The following CDK7 variants were observed in gnomAD, a reference collection of about 807,000 sequenced individuals.
The protein encoded by CDK7 is cyclin dependent kinase 7, also known as cyclin-dependent kinase 7.
Under a neutral mutation model 49.1 loss-of-function variants are expected in CDK7, and 25 were observed. The observed-to-expected ratio is 0.51, with a 90% CI of 0.37 to 0.71. CDK7 has a LOEUF of 0.71. Among genes scored for constraint, CDK7 ranks in the 30% least tolerant of loss-of-function variants. The pLI is 0.00. For synonymous variants in CDK7, 107 were observed against 140.0 expected, an observed-to-expected ratio of 0.76 and a Z score of 1.67; for missense variants, 316 against 411.7, an observed-to-expected ratio of 0.77 and a Z score of 2.01.
chr5:69,255,380 A>G, intron 4 of CDK7, 80 bp from the exon 5 acceptor site: 1 of 756,370 alleles, frequency 1.3e-6, no homozygotes, highest in Non-Finnish European at 2.2e-6. Context: ...TGCTTTTTAA[A>G]TTTTTAAAAA....
At chr5:69,244,724 T>C (rs747821514) in intron 2 of CDK7, among the ~76,000 whole-genome samples, 3 of 151,986 alleles carry the variant, frequency 2.0e-5, no homozygotes, top group Non-Finnish European at 4.4e-5. Flanking sequence ...CTTCCAGTAC[T>C]ATATTGAATA....
rs142439020 is a variant in CDK7 at position 69,251,337 on chromosome 5, A to T, written c.127-1081A>T. The stretch of plus-strand genomic sequence containing the variant: ...CTGGTCTTGAACTCCTGACCTCGTG[A>T]TCCACCTGCCTCGGCCTCCCAAAGT... On this transcript the variant is annotated intron_variant, in intron 2 of 11. Coordinates refer to ENST00000256443, the MANE Select transcript of CDK7 (RefSeq NM_001799.4). Among the ~76,000 whole-genome samples, 145 of 151,690 alleles carry T rather than the reference A, an allele frequency of 9.6e-4. 2 individuals are homozygous for T. The East Asian group carries it at 0.023, about 24-fold the overall frequency.
intron 3 of CDK7, among the ~76,000 whole-genome samples, chr5:69,253,038 T>C (rs1750252317): frequency 1.3e-5 from 2 of 152,182 alleles, no homozygotes; most frequent in South Asian, 4.1e-4. Context: ...CATTACTGTT[T>C]TAGGTGTTAC....
chr5:69,251,674 G>T (rs1750155600), intron 2 of CDK7, among the ~76,000 whole-genome samples: 1 of 151,966 alleles, frequency 6.6e-6, no homozygotes, highest in Non-Finnish European at 1.5e-5. Flanking sequence ...GGGACTGTAG[G>T]CACGTGCCAC....
At chr5:69,241,465 T>G (rs1749381898) in intron 2 of CDK7, among the ~76,000 whole-genome samples, 1 of 151,692 alleles carries the variant, frequency 6.6e-6, no homozygotes, top group Non-Finnish European at 1.5e-5. Context: ...GGATTACAGG[T>G]GCACACTGCA....
intron 2 of CDK7, among the ~76,000 whole-genome samples, chr5:69,245,550 A>T (rs2150191204): frequency 6.6e-6 from 1 of 151,964 alleles, no homozygotes; most frequent in East Asian, 1.9e-4. Flanking sequence ...TATATTGCCC[A>T]GGCTGGTCTC....
chr5:69,243,826 GTTTTTTTTTTTT>G (rs747576681), intron 2 of CDK7, among the ~76,000 whole-genome samples: 1 of 66,396 alleles, frequency 1.5e-5, no homozygotes, highest in South Asian at 7.4e-4. Flanking sequence ...AATGATAGTT[GTTTTTTTTTTTT>G]TTTTTTTTTT....
intron 11 of CDK7, among the ~76,000 whole-genome samples, 182 bp from the exon 12 acceptor site, chr5:69,276,925 C>T (rs1752212039): frequency 6.6e-6 from 1 of 152,126 alleles, no homozygotes; most frequent in Admixed American, 6.6e-5. Context: ...GTATGTGTAC[C>T]TTGTTCCCTT....
At chr5:69,275,621 T>C (rs1277856601) in intron 10 of CDK7, among the ~76,000 whole-genome samples, 1 of 152,196 alleles carries the variant, frequency 6.6e-6, no homozygotes, top group Non-Finnish European at 1.5e-5. Flanking sequence ...ATAAGGACAT[T>C]AACAAAACTT....
chr5:69,275,535 A>T (rs903247542), intron 10 of CDK7, among the ~76,000 whole-genome samples: 28 of 152,212 alleles, frequency 1.8e-4, no homozygotes, highest in African/African-American at 5.8e-4. Context: ...TAATCCAAAT[A>T]TCCGAAATCT....
rs1309570245 is a variant in CDK7, at chr5:69,259,887, A to G, written c.478A>G (p.Lys160Glu). The G allele has an allele frequency of 6.2e-7, 1 of 1,614,136 alleles. No individual in the cohort carries two copies. The highest frequency in any genetic ancestry group is 8.5e-7 in the Non-Finnish European group (1 of 1,179,970). Reference protein sequence around the residue: ...VLKLADFGLAKSFGSPNRAYT... With the variant: ...VLKLADFGLAESFGSPNRAYT... ...AAAACTGGCAGATTTTGGCCTGGCC[A>G]AATCTTTTGGGAGCCCCAATAGAGC... Residue 160 changes from lysine (K) to glutamate (E), a missense_variant, in exon 7 of 12, where the codon AAA becomes GAA. Physicochemically the swap from Lys to Glu is moderately conservative, Grantham distance 56 (BLOSUM62 1). Transcript: ENST00000256443.
intron 7 of CDK7, among the ~76,000 whole-genome samples, chr5:69,261,781 G>A (rs1305307871): frequency 1.3e-5 from 2 of 151,906 alleles, no homozygotes; most frequent in Non-Finnish European, 2.9e-5. Context: ...CGCCCGCCTC[G>A]GCCTCCCAAA....
intron 2 of CDK7, among the ~76,000 whole-genome samples, chr5:69,251,201 G>A (rs747046296): frequency 9.9e-5 from 15 of 151,800 alleles, no homozygotes; most frequent in Admixed American, 9.9e-4. Flanking sequence ...GGGTTCAAGC[G>A]ATTCTTCTGC....
chr5:69,254,374 T>G (rs947773737), intron 3 of CDK7, among the ~76,000 whole-genome samples: 3 of 151,784 alleles, frequency 2.0e-5, no homozygotes, highest in African/African-American at 7.3e-5. Flanking sequence ...ATACAAAAAT[T>G]AGCCGGGCGT....
rs887191551 is a variant in CDK7 at position 69,254,067 on chromosome 5, T to G, written c.161-535T>G. Among the ~76,000 whole-genome samples the G allele has an allele frequency of 2.0e-5, 3 of 152,062 alleles. No individual in the cohort carries two copies. In the East Asian group the frequency reaches 5.8e-4, roughly 29 times the overall value. ...GTGAGCCGAGATCATGCCACTGCAC[T>G]CCAACCTGGCTGACAGGGTGAAACC... On this transcript the variant is annotated intron_variant, in intron 3 of 11. Transcript: ENST00000256443.
At chr5:69,240,211 G>A (rs1314432897) in intron 2 of CDK7, among the ~76,000 whole-genome samples, 1 of 152,020 alleles carries the variant, frequency 6.6e-6, no homozygotes. Context: ...AAATATTACA[G>A]TGACTTTAAG....
At chr5:69,253,560 T>G (rs2150203442) in intron 3 of CDK7, among the ~76,000 whole-genome samples, 1 of 152,196 alleles carries the variant, frequency 6.6e-6, no homozygotes, top group Non-Finnish European at 1.5e-5. Context: ...GCGCCCGGCC[T>G]GTATCTAATT....
intron 9 of CDK7, among the ~76,000 whole-genome samples, chr5:69,272,113 A>G (rs1390849306): frequency 6.6e-6 from 1 of 152,042 alleles, no homozygotes; most frequent in East Asian, 1.9e-4. Context: ...TTGCACATGT[A>G]TGTCGAAGTG....
At chr5:69,235,126 A>C in intron 1 of CDK7, 85 bp downstream of exon 1, 1 of 1,332,336 alleles carries the variant, frequency 7.5e-7, no homozygotes, top group East Asian at 2.5e-5. Flanking sequence ...CGTGGAGGCC[A>C]GAGGTCTGGC....
Sources: gnomAD v4.1 joint callset for allele counts (sites outside exome capture counted in the v4.1 genomes callset) on GRCh38, gnomAD v4.1.1 for gene constraint, MANE v1.5 for transcripts, NCBI Gene and HGNC (gene_info 2026-07-23, HGNC 2026-07-21) for gene names.